The following PKP4 variants were observed in gnomAD, a reference collection of about 807,000 sequenced individuals.
The protein encoded by PKP4 is plakophilin-4.
In PKP4, 90 loss-of-function variants were observed where a neutral mutation model predicts 145.1. That is an observed-to-expected ratio of 0.62 (90% confidence interval 0.52 to 0.74). PKP4 has a LOEUF of 0.74. Ranked by LOEUF, PKP4 falls within the 30% of genes least tolerant of loss-of-function variation. The pLI is 0.00. For missense variants in PKP4, 1,340 were observed against 1,482.7 expected (o/e 0.90, Z 1.58); for synonymous variants, 563 against 577.2 (o/e 0.98, Z 0.35).
At chr2:158,487,706 AGGACATTGTACT>A (rs1694368783) in intron 1 of PKP4, among the ~76,000 whole-genome samples, 1 of 151,726 alleles carries the variant, frequency 6.6e-6, no homozygotes, top group Non-Finnish European at 1.5e-5. Flanking sequence ...ATGCTGAGTA[AGGACATTGTACT>A]GGACCATTGC....
chr2:158,634,119 A>G lies in PKP4; in HGVS notation c.1392A>G (p.Thr464=), dbSNP rs755053184. The G allele has an allele frequency of 3.7e-6, 6 of 1,613,994 alleles. No homozygotes were observed. Among genetic ancestry groups the G allele is most frequent in the Non-Finnish European group, 5.1e-6 (6 of 1,179,934 alleles). Residue 464 remains threonine, a synonymous_variant, in exon 9 of 22, where the codon ACA becomes ACG. Coordinates refer to ENST00000389759, the MANE Select transcript of PKP4 (RefSeq NM_003628.6). Reference sequence around the variant, plus strand: ...CATCCAGCCAACGAAGTACCCTTACATACCAAAGAAATAATTATGCTCTGA... The same window carrying G: ...CATCCAGCCAACGAAGTACCCTTACGTACCAAAGAAATAATTATGCTCTGA... The part of the protein sequence containing the change: ...QRTSSQRSTL[T]YQRNNYALNT...
At chr2:158,663,939 A>T (rs1329671023) in intron 15 of PKP4, among the ~76,000 whole-genome samples, 1 of 152,216 alleles carries the variant, frequency 6.6e-6, no homozygotes, top group Admixed American at 6.5e-5. Flanking sequence ...CTTGTGGTGC[A>T]GAGAAGACGT....
At chr2:158,649,457 G>A (rs190969273) in intron 11 of PKP4, among the ~76,000 whole-genome samples, 14 of 152,288 alleles carry the variant, frequency 9.2e-5, no homozygotes, top group Admixed American at 8.5e-4. Context: ...GGACCATAGA[G>A]AAATATCCCT....
intron 1 of PKP4, among the ~76,000 whole-genome samples, chr2:158,508,366 C>CAAAAAAAAAA (rs747754927): frequency 5.2e-5 from 6 of 115,886 alleles, no homozygotes; most frequent in Non-Finnish European, 1.1e-4. Flanking sequence ...AACTCCGTCT[C>CAAAAAAAAAA]AAAAAAAAAA....
chr2:158,480,994 C>A (rs1320972504), intron 1 of PKP4, among the ~76,000 whole-genome samples: 1 of 152,150 alleles, frequency 6.6e-6, no homozygotes, highest in Non-Finnish European at 1.5e-5. Flanking sequence ...TTGTGTCTCA[C>A]TTTTTTTACT....
rs76216603 is a variant in PKP4, at chr2:158,648,047, T to C, written c.1909+5348T>C. On this transcript the variant is annotated intron_variant, in intron 11 of 21. Coordinates refer to ENST00000389759, the MANE Select transcript of PKP4 (RefSeq NM_003628.6). Reference sequence around the variant, plus strand: ...AAGATATTGCACAAATCTGGAGGCCTGCTTTTTAATGTACGTACCAGATGT... The same window carrying C: ...AAGATATTGCACAAATCTGGAGGCCCGCTTTTTAATGTACGTACCAGATGT... Among the ~76,000 whole-genome samples the C allele has an allele frequency of 5.3e-3, 801 of 152,360 alleles. 1 individual carries two copies. Among genetic ancestry groups the C allele is most frequent in the Non-Finnish European group, 9.3e-3 (630 of 68,024 alleles).
chr2:158,607,419 C>T lies in PKP4; in HGVS notation c.280+4315C>T, dbSNP rs191388385. Among the ~76,000 whole-genome samples, 382 of 152,138 alleles carry T rather than the reference C, an allele frequency of 2.5e-3. 1 individual carries two copies. Among genetic ancestry groups the T allele is most frequent in the African/African-American group, 8.9e-3 (370 of 41,502 alleles). ...GAATTTGATACAGAAAATGTAGTTACGAAAGTGTGGGTTGGAAGATATGAG... is the reference window on the plus strand; with the variant it reads ...GAATTTGATACAGAAAATGTAGTTATGAAAGTGTGGGTTGGAAGATATGAG... On this transcript the variant is annotated intron_variant, in intron 4 of 21. Transcript: ENST00000389759.
At chr2:158,518,293 G>A (rs1402156765) in intron 1 of PKP4, among the ~76,000 whole-genome samples, 1 of 152,182 alleles carries the variant, frequency 6.6e-6, no homozygotes, top group African/African-American at 2.4e-5. Flanking sequence ...AGTGATCTCA[G>A]GGTTTCAAAA....
At chr2:158,615,166 A>G (rs2051482107) in intron 4 of PKP4, among the ~76,000 whole-genome samples, 1 of 152,028 alleles carries the variant, frequency 6.6e-6, no homozygotes, top group African/African-American at 2.4e-5. Flanking sequence ...TGTATCTCCC[A>G]CTGACAGATA....
chr2:158,479,385 G>C lies in PKP4; in HGVS notation c.-6+22167G>C, dbSNP rs893224062. ...ACAACAGGCATATGCCACCATGCCC[G>C]GTTAATTTTTGTATGTTTTGTAGAG... On this transcript the variant is annotated intron_variant, in intron 1 of 21. Transcript: ENST00000389759. Among the ~76,000 whole-genome samples, 3 of 152,030 alleles carry C rather than the reference G, an allele frequency of 2.0e-5. No homozygotes were observed. In the East Asian group the frequency reaches 5.8e-4, roughly 29 times the overall value.
chr2:158,635,249 G>T (rs769914976), intron 9 of PKP4, among the ~76,000 whole-genome samples: 30 of 152,064 alleles, frequency 2.0e-4, no homozygotes, highest in Non-Finnish European at 3.2e-4. Context: ...AAGTTGAGTG[G>T]GAAATCCACT....
At chr2:158,501,381 A>G (rs191671039) in intron 1 of PKP4, among the ~76,000 whole-genome samples, 2 of 152,334 alleles carry the variant, frequency 1.3e-5, no homozygotes, top group Admixed American at 6.5e-5. Context: ...TAATTGCTAC[A>G]TGCCAGGTTG....
intron 7 of PKP4, among the ~76,000 whole-genome samples, chr2:158,631,497 T>G (rs181400180): frequency 2.6e-5 from 4 of 152,032 alleles, no homozygotes; most frequent in Middle Eastern, 3.5e-3. Context: ...AATCTTCCAG[T>G]TTCAGACTCC....
At chr2:158,677,473 A>G (rs2058105174) in intron 20 of PKP4, 1 of 164,238 alleles carries the variant, frequency 6.1e-6, no homozygotes. Flanking sequence ...TACCAGCCCA[A>G]AGGGTTACTA....
chr2:158,576,127 A>C (rs1188871276), intron 2 of PKP4, among the ~76,000 whole-genome samples: 1 of 152,212 alleles, frequency 6.6e-6, no homozygotes, highest in Non-Finnish European at 1.5e-5. Flanking sequence ...CTGTTTCTTA[A>C]AAATTATTCC....
chr2:158,470,777 G>A (rs896826172), intron 1 of PKP4, among the ~76,000 whole-genome samples: 2 of 152,158 alleles, frequency 1.3e-5, no homozygotes, highest in African/African-American at 4.8e-5. Context: ...CAGTCAGGTG[G>A]TGAATTCATA....
rs1355007841 is a variant in PKP4 at position 158,640,772 on chromosome 2, G to A, written c.1695+13G>A. 1.9e-6 allele frequency: 3 copies of A among 1,613,596 alleles called. No homozygotes were observed. Among genetic ancestry groups the A allele is most frequent in the South Asian group, 2.2e-5 (2 of 90,994 alleles). ...AGTGAAGATGGAGGTACAGGACATGGTGCCTGGGATGACTGGGGAAAATAA... is the reference window on the plus strand; with the variant it reads ...AGTGAAGATGGAGGTACAGGACATGATGCCTGGGATGACTGGGGAAAATAA... On this transcript the variant is annotated intron_variant, in intron 10 of 21. Transcript: ENST00000389759.
chr2:158,523,638 C>CT (rs1186838872), intron 1 of PKP4, among the ~76,000 whole-genome samples: 4 of 132,368 alleles, frequency 3.0e-5, no homozygotes, highest in Non-Finnish European at 6.3e-5. Flanking sequence ...TGGAGAATGA[C>CT]TTTGACGAGC....
chr2:158,572,795 G>A (rs756874490), intron 2 of PKP4, among the ~76,000 whole-genome samples: 1 of 152,176 alleles, frequency 6.6e-6, no homozygotes, highest in Non-Finnish European at 1.5e-5. Context: ...AAGCAAAATA[G>A]CATTCTATGC....
Sources: gnomAD v4.1 joint callset for allele counts (sites outside exome capture counted in the v4.1 genomes callset) on GRCh38, gnomAD v4.1.1 for gene constraint, MANE v1.5 for transcripts, NCBI Gene and HGNC (gene_info 2026-07-23, HGNC 2026-07-21) for gene names.